The following SNAP91 variants were observed in gnomAD, a reference collection of about 807,000 sequenced individuals.
SNAP91 encodes synaptosome associated protein 91, also known as clathrin coat assembly protein AP180.
A neutral mutation model predicts 100.3 loss-of-function variants in SNAP91; 27 were observed. That is an observed-to-expected ratio of 0.27 (90% confidence interval 0.20 to 0.37). The LOEUF is 0.37. Ranked by LOEUF, SNAP91 falls within the 10% of genes least tolerant of loss-of-function variation. SNAP91 has a pLI of 1.00. For missense variants in SNAP91, 986 were observed against 1,123.7 expected (o/e 0.88, Z 1.75); for synonymous variants, 404 against 398.6 (o/e 1.01, Z -0.16).
chr6:83,653,882 T>C (rs1333792334), intron 7 of SNAP91, among the ~76,000 whole-genome samples: 1 of 151,988 alleles, frequency 6.6e-6, no homozygotes, highest in Non-Finnish European at 1.5e-5. Context: ...TGGGCTGGAG[T>C]TGGGTATTTC....
intron 9 of SNAP91, among the ~76,000 whole-genome samples, chr6:83,617,419 A>C (rs970749586): frequency 9.9e-5 from 15 of 152,012 alleles, no homozygotes; most frequent in African/African-American, 3.4e-4. Flanking sequence ...TGAGTGCCCA[A>C]ATACAAATTT....
At chr6:83,591,713 A>G (rs774083078) in intron 21 of SNAP91, among the ~76,000 whole-genome samples, 84 of 152,210 alleles carry the variant, frequency 5.5e-4, no homozygotes, top group Non-Finnish European at 9.7e-4. Context: ...CCTACATGTC[A>G]AGGTTTAGTG....
At chr6:83,641,702 A>G (rs1407718133) in intron 7 of SNAP91, among the ~76,000 whole-genome samples, 2 of 152,218 alleles carry the variant, frequency 1.3e-5, no homozygotes, top group African/African-American at 4.8e-5. Flanking sequence ...TTTATTGGTC[A>G]TAAATTATTT....
chr6:83,581,500 G>A (rs1037930118), intron 23 of SNAP91, among the ~76,000 whole-genome samples: 3 of 152,130 alleles, frequency 2.0e-5, no homozygotes, highest in Non-Finnish European at 4.4e-5. Flanking sequence ...TGTTATCTAT[G>A]TCAAAAACTT....
intron 8 of SNAP91, among the ~76,000 whole-genome samples, chr6:83,636,456 G>A (rs2097451997): frequency 6.6e-6 from 1 of 152,144 alleles, no homozygotes; most frequent in Non-Finnish European, 1.5e-5. Context: ...GATCTAGTCT[G>A]TCATTAAGGC....
intron 2 of SNAP91, among the ~76,000 whole-genome samples, chr6:83,703,822 T>G (rs550298761): frequency 1.1e-4 from 17 of 152,304 alleles, no homozygotes; most frequent in Middle Eastern, 3.4e-3. Context: ...CAAATTGGCT[T>G]TTCATAAGGT....
intron 11 of SNAP91, among the ~76,000 whole-genome samples, 198 bp from the exon 12 acceptor site, chr6:83,610,875 C>G (rs1010947954): frequency 6.6e-6 from 1 of 151,152 alleles, no homozygotes; most frequent in Non-Finnish European, 1.5e-5. Flanking sequence ...TAATCTTTTA[C>G]TTAATAATGA....
At chr6:83,674,805 A>C (rs2098837957) in intron 2 of SNAP91, among the ~76,000 whole-genome samples, 1 of 152,228 alleles carries the variant, frequency 6.6e-6, no homozygotes, top group African/African-American at 2.4e-5. Context: ...AATGTGAAAC[A>C]ATTTTATAAA....
chr6:83,639,668 C>G (rs2097596863), intron 8 of SNAP91, among the ~76,000 whole-genome samples: 1 of 151,998 alleles, frequency 6.6e-6, no homozygotes, highest in Non-Finnish European at 1.5e-5. Context: ...ATAAGTAGAA[C>G]TTTTCTCATG....
At chr6:83,620,009 T>C (rs1440737333) in intron 9 of SNAP91, among the ~76,000 whole-genome samples, 3 of 152,210 alleles carry the variant, frequency 2.0e-5, no homozygotes, top group Non-Finnish European at 4.4e-5. Flanking sequence ...AAAACAGTTA[T>C]TTTTGAATGT....
chr6:83,706,578 A>G (rs1265822060), intron 2 of SNAP91, among the ~76,000 whole-genome samples: 1 of 152,276 alleles, frequency 6.6e-6, no homozygotes, highest in African/African-American at 2.4e-5. Flanking sequence ...GACAACTCTT[A>G]CAATGTCCAG....
At chr6:83,605,542 T>TG in intron 14 of SNAP91, 143 bp downstream of exon 14, 1 of 1,080,166 alleles carries the variant, frequency 9.3e-7, no homozygotes, top group Non-Finnish European at 1.3e-6. Flanking sequence ...TTTCAATCAA[T>TG]AAATGCCATT....
intron 2 of SNAP91, among the ~76,000 whole-genome samples, chr6:83,675,944 C>T (rs868015804): frequency 2.0e-5 from 3 of 151,274 alleles, no homozygotes; most frequent in Middle Eastern, 3.4e-3. Context: ...GCCAGGAGTT[C>T]GAGACCAGAC....
At chr6:83,610,040 A>G (rs1024678941) in intron 12 of SNAP91, among the ~76,000 whole-genome samples, 2 of 152,278 alleles carry the variant, frequency 1.3e-5, no homozygotes, top group East Asian at 1.9e-4. Context: ...ACATAAAAAC[A>G]TAACTTACCT....
At position 83,627,955 on chromosome 6, in the gene SNAP91, C is replaced by T. The variant is rs963042042; in HGVS notation, c.766-4613G>A. ...TGTGAGATTCTGGAGCACCCATCAC[C>T]ATAGTAGTGTACACTGCACCTGTAT... On this transcript the variant is annotated intron_variant, in intron 8 of 29. Transcript: ENST00000369694. Among the ~76,000 whole-genome samples, 7 of 151,618 alleles carry T rather than the reference C, an allele frequency of 4.6e-5. No homozygotes were observed. In the East Asian group the frequency reaches 5.8e-4, roughly 13 times the overall value.
intron 22 of SNAP91, among the ~76,000 whole-genome samples, chr6:83,586,464 T>C (rs1030961155): frequency 6.6e-6 from 1 of 152,194 alleles, no homozygotes; most frequent in African/African-American, 2.4e-5. Flanking sequence ...TAAAATTGTG[T>C]CTATGATGGA....
chr6:83,628,005 T>A (rs2097025501), intron 8 of SNAP91, among the ~76,000 whole-genome samples: 1 of 151,610 alleles, frequency 6.6e-6, no homozygotes, highest in Non-Finnish European at 1.5e-5. Context: ...CCTCACCCTC[T>A]TCCCACCCTT....
At chr6:83,586,156 G>A (rs2092574677) in intron 22 of SNAP91, among the ~76,000 whole-genome samples, 1 of 152,140 alleles carries the variant, frequency 6.6e-6, no homozygotes, top group African/African-American at 2.4e-5. Flanking sequence ...GGCCACAAGA[G>A]TGCAATTTTA....
At chr6:83,664,523 T>C (rs1205634118) in intron 3 of SNAP91, among the ~76,000 whole-genome samples, 1 of 152,054 alleles carries the variant, frequency 6.6e-6, no homozygotes, top group African/African-American at 2.4e-5. Flanking sequence ...TGTGGGAAAA[T>C]AGCAAGGGAA....
Sources: gnomAD v4.1 joint callset for allele counts (sites outside exome capture counted in the v4.1 genomes callset) on GRCh38, gnomAD v4.1.1 for gene constraint, MANE v1.5 for transcripts, NCBI Gene and HGNC (gene_info 2026-07-23, HGNC 2026-07-21) for gene names.